Variants in RAB25 observed in about 807,000 individuals in gnomAD.
RAB25 encodes RAB25, member RAS oncogene family, also known as ras-related protein Rab-25.
In RAB25, 23 loss-of-function variants were observed where a neutral mutation model predicts 25.2. The ratio of observed to expected loss-of-function variants is 0.91; its 90% CI spans 0.66 to 1.29. RAB25 has a LOEUF of 1.29. Among genes scored for constraint, RAB25 ranks in the 50% most tolerant of loss-of-function variants. RAB25 has a pLI of 0.00. For missense variants in RAB25, 244 were observed against 277.3 expected (o/e 0.88, Z 0.85); for synonymous variants, 102 against 111.5 (o/e 0.91, Z 0.54).
rs1647568466 is a variant in RAB25, at chr1:156,061,199, C to G, written c.-202C>G. The G allele has an allele frequency of 3.6e-6, 2 of 558,202 alleles. No individual in the cohort carries two copies. The highest frequency in any genetic ancestry group is 3.2e-6 in the Non-Finnish European group (1 of 310,702). 34.6% of individuals were successfully genotyped at this position (558,202 alleles called of 1,614,324 possible). ...TCTCTGCTTCCTTACAGCACCCCCA[C>G]CTGCCAGAGCTGATCCTCCCTAGGC... On this transcript the variant is annotated 5_prime_UTR_variant, in exon 1 of 5. Coordinates refer to ENST00000361084, the MANE Select transcript of RAB25 (RefSeq NM_020387.4).
chr1:156,070,041 C>A, intron 4 of RAB25, 119 bp from the exon 5 acceptor site: 1 of 1,498,964 alleles, frequency 6.7e-7, no homozygotes, highest in Non-Finnish European at 9.2e-7. Flanking sequence ...GCAAAACCTC[C>A]TGCAAGTGTG....
Position 156,067,549 on chromosome 1 carries a change from T to C in RAB25, c.240-721T>C, listed in dbSNP as rs1647777181. ...CTGCAAGAGGTAGGCATTCAGCTAA[T>C]CCTAGAAAGAAGGCCACGGGAGAGA... On this transcript the variant is annotated intron_variant, in intron 2 of 4. Transcript: ENST00000361084. Among the ~76,000 whole-genome samples the C allele has an allele frequency of 2.0e-5, 3 of 152,132 alleles. No homozygotes were observed. The South Asian group carries it at 6.2e-4, about 31-fold the overall frequency.
chr1:156,068,271 T>C lies in RAB25; in HGVS notation c.241T>C (p.Tyr81His). Residue 81 changes from tyrosine to histidine, a missense_variant and splice_region_variant, in exon 3 of 5, where the codon TAC becomes CAC. Coordinates refer to ENST00000361084, the MANE Select transcript of RAB25 (RefSeq NM_020387.4). ...TCCATCCTTCTCATTCCCACCCAGG[T>C]ACTATCGTGGTGCAGTGGGGGCCCT... ...LERYRAITSA[Y>H]YRGAVGALLV... 1 of 1,610,002 alleles carries C rather than the reference T, an allele frequency of 6.2e-7. No homozygotes were observed.
chr1:156,068,645 C>T (rs972693377), intron 3 of RAB25, among the ~76,000 whole-genome samples, 182 bp downstream of exon 3: 1 of 151,778 alleles, frequency 6.6e-6, no homozygotes, highest in African/African-American at 2.4e-5. Flanking sequence ...CTGTGTCTCC[C>T]ATGATGTCCC....
In RAB25 at chr1:156,068,837, C is replaced by T. The variant is rs188883347; in HGVS notation, c.433+374C>T. Among the ~76,000 whole-genome samples the T allele has an allele frequency of 4.3e-3, 660 of 151,734 alleles. 7 individuals carry two copies. The highest frequency in any genetic ancestry group is 0.015 in the African/African-American group (612 of 41,330). The stretch of plus-strand genomic sequence containing the variant: ...CTGAGTAGCTAAGACTACAGGTGTG[C>T]GCCACCATGCCTGGCTAATTTTTGT... On this transcript the variant is annotated intron_variant, in intron 3 of 4. Transcript: ENST00000361084.
chr1:156,069,720 T>C lies in RAB25; in HGVS notation c.483T>C (p.Asn161=). The C allele has an allele frequency of 1.2e-6, 2 of 1,613,308 alleles. No individual in the cohort carries two copies. Among genetic ancestry groups the C allele is most frequent in the Non-Finnish European group, 1.7e-6 (2 of 1,179,288 alleles). Residue 161 remains asparagine (N), a synonymous_variant, in exon 4 of 5, where the codon AAT becomes AAC. Coordinates refer to ENST00000361084, the MANE Select transcript of RAB25 (RefSeq NM_020387.4). ...FLETSALDST[N]VELAFETVLK... is the part of the protein sequence containing the mutation. The stretch of plus-strand genomic sequence containing the variant: ...AGACCTCAGCCCTGGACTCTACCAA[T>C]GTTGAGCTAGCCTTTGAGACTGTCC...
intron 2 of RAB25, 146 bp downstream of exon 2, chr1:156,066,252 G>C (rs1000194662): frequency 4.3e-6 from 3 of 704,802 alleles, no homozygotes; most frequent in Non-Finnish European, 6.6e-6. Context: ...GAAGATAAAA[G>C]GTACTGTAAA....
chr1:156,063,393 C>T (rs568831562), intron 1 of RAB25, among the ~76,000 whole-genome samples: 15 of 152,204 alleles, frequency 9.9e-5, no homozygotes, highest in African/African-American at 3.1e-4. Flanking sequence ...CCTTGTGATC[C>T]GCCCTCCTAG....
chr1:156,068,343 C>G lies in RAB25; in HGVS notation c.313C>G (p.Arg105Gly), dbSNP rs889728001. The G allele has an allele frequency of 4.3e-6, 7 of 1,614,124 alleles. No homozygotes were observed. Among genetic ancestry groups the G allele is most frequent in the Non-Finnish European group, 5.1e-6 (6 of 1,180,004 alleles). Residue 105 changes from arginine (R) to glycine (G), a missense_variant, in exon 3 of 5, where the codon CGA (arginine) becomes GGA (glycine). Transcript: ENST00000361084. ...TKHQTYAVVE[R>G]WLKELYDHAE... Reference sequence around the variant, plus strand: ...GCACCAGACCTATGCTGTGGTGGAGCGATGGCTGAAGGAGCTCTATGACCA... The same window carrying G: ...GCACCAGACCTATGCTGTGGTGGAGGGATGGCTGAAGGAGCTCTATGACCA...
chr1:156,068,125 G>T, intron 2 of RAB25, 145 bp from the exon 3 acceptor site: 1 of 709,714 alleles, frequency 1.4e-6, no homozygotes. Flanking sequence ...CTGCTCTGTT[G>T]GGTTCTGGGC....
At chr1:156,062,791 C>T (rs777195123) in intron 1 of RAB25, among the ~76,000 whole-genome samples, 44 of 152,044 alleles carry the variant, frequency 2.9e-4, no homozygotes, top group Non-Finnish European at 4.3e-4. Flanking sequence ...CAGTGGCTCA[C>T]GCCTGTAATC....
chr1:156,070,489 A>C lies in RAB25; in HGVS notation c.*202A>C. ...CTCACAGACTAGGACCCTCAAATAA[A>C]GCTGTTTTATATCAATGCCTGGTCA... On this transcript the variant is annotated 3_prime_UTR_variant, in exon 5 of 5. Coordinates refer to ENST00000361084, the MANE Select transcript of RAB25 (RefSeq NM_020387.4). 1.5e-6 allele frequency: 1 copy of C among 660,460 alleles called. No individual in the cohort carries two copies. Among genetic ancestry groups the C allele is most frequent in the Non-Finnish European group, 2.5e-6 (1 of 400,252 alleles). The allele number at this position is 660,460 out of a possible 1,614,324, so 40.9% of individuals were successfully genotyped here.
chr1:156,068,684 ATTTTT>A (rs35522492), intron 3 of RAB25, among the ~76,000 whole-genome samples: 1 of 98,338 alleles, frequency 1.0e-5, no homozygotes, highest in Admixed American at 1.2e-4. Context: ...GTCTTTATTG[ATTTTT>A]TTTTTTTTTT....
At position 156,066,104 on chromosome 1, in the gene RAB25, G is replaced by A. The variant is rs560137192; in HGVS notation, c.237G>A (p.Ser79=). ...TGGAGCGGTACCGAGCCATCACCTC[G>A]GCGTGAGCCCGGGCCTGGGGGGCTG... The part of the protein sequence containing the change: ...AGLERYRAIT[S]AYYRGAVGAL... Residue 79 remains serine (S), a splice_region_variant and synonymous_variant, in exon 2 of 5, where the codon TCG becomes TCA. Coordinates refer to ENST00000361084, the MANE Select transcript of RAB25 (RefSeq NM_020387.4). The A allele has an allele frequency of 3.5e-5, 55 of 1,577,272 alleles. No homozygotes were observed. Among genetic ancestry groups the A allele is most frequent in the African/African-American group, 3.4e-4 (25 of 74,158 alleles).
chr1:156,063,345 GT>G (rs1161607575), intron 1 of RAB25, among the ~76,000 whole-genome samples: 1 of 152,134 alleles, frequency 6.6e-6, no homozygotes, highest in Non-Finnish European at 1.5e-5. Flanking sequence ...TAGAGACAGG[GT>G]TTCATCATGT....
intron 1 of RAB25, among the ~76,000 whole-genome samples, chr1:156,064,277 G>A (rs1184568106): frequency 6.6e-6 from 1 of 152,002 alleles, no homozygotes; most frequent in Non-Finnish European, 1.5e-5. Flanking sequence ...CAATTTCACT[G>A]TCACCCAGGC....
intron 1 of RAB25, among the ~76,000 whole-genome samples, chr1:156,065,105 G>C (rs961252856): frequency 4.6e-5 from 7 of 152,148 alleles, no homozygotes; most frequent in African/African-American, 1.7e-4. Flanking sequence ...ACTCTGGCCT[G>C]CTAACAACAA....
chr1:156,070,413 G>T lies in RAB25; in HGVS notation c.*126G>T. 8.0e-7 allele frequency: 1 copy of T among 1,246,426 alleles called. No homozygotes were observed. The highest frequency in any genetic ancestry group is 1.1e-6 in the Non-Finnish European group (1 of 903,782). 77.2% of individuals were successfully genotyped at this position (1,246,426 alleles called of 1,614,324 possible). A position where few individuals can be genotyped will look rare whatever the true frequency, so the allele number is the denominator to read the frequency against. On this transcript the variant is annotated 3_prime_UTR_variant, in exon 5 of 5. Coordinates refer to ENST00000361084, the MANE Select transcript of RAB25 (RefSeq NM_020387.4). ...GTTCCCTGTTCACAGCACCCTCAGG[G>T]TCTTAAGGTCTTCATGCCCTATCAC...
Position 156,066,021 on chromosome 1 carries a change from C to A in RAB25, c.154C>A (p.Arg52Ser). 2 of 1,614,026 alleles carry A rather than the reference C, an allele frequency of 1.2e-6. No individual in the cohort carries two copies. Among genetic ancestry groups the A allele is most frequent in the Non-Finnish European group, 1.7e-6 (2 of 1,179,912 alleles). ...RTTIGVEFST[R>S]TVMLGTAAVK... Reference sequence around the variant, plus strand: ...CACCATCGGGGTTGAGTTCTCCACCCGCACTGTGATGTTGGGCACCGCTGC... The same window carrying A: ...CACCATCGGGGTTGAGTTCTCCACCAGCACTGTGATGTTGGGCACCGCTGC... Residue 52 changes from arginine to serine, a missense_variant, in exon 2 of 5, where the codon CGC (arginine) becomes AGC (serine). Arg to Ser is a moderately radical substitution (Grantham distance 110). Coordinates refer to ENST00000361084, the MANE Select transcript of RAB25 (RefSeq NM_020387.4).
Sources: gnomAD v4.1 joint callset for allele counts (sites outside exome capture counted in the v4.1 genomes callset) on GRCh38, gnomAD v4.1.1 for gene constraint, MANE v1.5 for transcripts, NCBI Gene and HGNC (gene_info 2026-07-23, HGNC 2026-07-21) for gene names.